Variants in ELMO1 observed in about 807,000 individuals in gnomAD.
ELMO1 encodes the protein engulfment and cell motility 1.
In ELMO1, 26 loss-of-function variants were observed where a neutral mutation model predicts 98.9. The ratio of observed to expected loss-of-function variants is 0.26; its 90% CI spans 0.19 to 0.36. The LOEUF (loss-of-function observed/expected upper bound fraction) is 0.36, where lower values mean the gene tolerates loss of function less well. ELMO1 is among the 10% of genes least tolerant of loss of function. The probability of loss-of-function intolerance (pLI) is 1.00; values close to 1 mark genes in which losing one functional copy is unlikely to be tolerated. For synonymous variants in ELMO1, 346 were observed against 346.0 expected (o/e 1.00, Z 0.00); for missense variants, 627 against 935.2 (o/e 0.67, Z 4.30).
chr7:37,430,318 T>C (rs1311972814), intron 1 of ELMO1, among the ~76,000 whole-genome samples: 1 of 152,220 alleles, frequency 6.6e-6, no homozygotes, highest in Non-Finnish European at 1.5e-5. Context: ...CGACCTCATC[T>C]TCCCCTGCAG....
intron 4 of ELMO1, among the ~76,000 whole-genome samples, chr7:37,285,387 C>T (rs1797341692): frequency 6.6e-6 from 1 of 152,166 alleles, no homozygotes. Context: ...TGTATCCTGA[C>T]TAGATGCTGG....
At chr7:37,182,571 C>A (rs889763419) in intron 13 of ELMO1, among the ~76,000 whole-genome samples, 3 of 146,854 alleles carry the variant, frequency 2.0e-5, no homozygotes, top group Non-Finnish European at 3.0e-5. Flanking sequence ...CTTTCTCTCT[C>A]TCTCTCCCTC....
intron 13 of ELMO1, among the ~76,000 whole-genome samples, chr7:37,174,747 T>C (rs1238923812): frequency 6.6e-6 from 1 of 152,152 alleles, no homozygotes; most frequent in East Asian, 1.9e-4. Flanking sequence ...GTTAATTACA[T>C]GGCAAGGAGA....
intron 7 of ELMO1, among the ~76,000 whole-genome samples, chr7:37,241,678 G>T (rs1794770950): frequency 6.6e-6 from 1 of 151,896 alleles, no homozygotes; most frequent in African/African-American, 2.4e-5. Flanking sequence ...GTTTTTAGTT[G>T]TGACTCTGTG....
intron 15 of ELMO1, among the ~76,000 whole-genome samples, chr7:37,044,221 A>G (rs1795682578): frequency 6.6e-6 from 1 of 152,176 alleles, no homozygotes; most frequent in Non-Finnish European, 1.5e-5. Flanking sequence ...GGTCCTTACT[A>G]GTCAGCAGGG....
At chr7:36,991,742 A>G (rs1038993971) in intron 16 of ELMO1, among the ~76,000 whole-genome samples, 6 of 152,200 alleles carry the variant, frequency 3.9e-5, no homozygotes, top group Non-Finnish European at 5.9e-5. Flanking sequence ...CAGGATGCTG[A>G]GCTCTCTGTG....
chr7:36,999,833 A>T (rs1424489370), intron 16 of ELMO1, among the ~76,000 whole-genome samples: 2 of 152,056 alleles, frequency 1.3e-5, no homozygotes, highest in African/African-American at 4.8e-5. Flanking sequence ...CATGCAGGGG[A>T]GCAAAGGCTG....
chr7:37,179,338 C>T (rs372135830), intron 13 of ELMO1, among the ~76,000 whole-genome samples: 14 of 143,016 alleles, frequency 9.8e-5, no homozygotes, highest in South Asian at 2.2e-4. Flanking sequence ...AGTGCACTGG[C>T]GCGATCTTGG....
At chr7:36,869,683 T>C (rs572002767) in intron 20 of ELMO1, among the ~76,000 whole-genome samples, 105 of 152,322 alleles carry the variant, frequency 6.9e-4, no homozygotes, top group African/African-American at 2.5e-3. Context: ...CAAGGGCAAA[T>C]ACTTCCAGCG....
At chr7:37,208,693 G>A (rs1792784419) in intron 13 of ELMO1, among the ~76,000 whole-genome samples, 1 of 152,118 alleles carries the variant, frequency 6.6e-6, no homozygotes, top group African/African-American at 2.4e-5. Flanking sequence ...GTTTACTGAG[G>A]CCTGTCTATT....
rs143546612 is a variant in ELMO1 at position 37,075,117 on chromosome 7, G to A, written c.1300+21502C>T. Among the ~76,000 whole-genome samples, 1,365 of 151,816 alleles carry A rather than the reference G, an allele frequency of 9.0e-3. 6 individuals carry two copies. The highest frequency in any genetic ancestry group is 0.014 in the Middle Eastern group (4 of 292). On this transcript the variant is annotated intron_variant, in intron 15 of 21. Coordinates refer to ENST00000310758, the MANE Select transcript of ELMO1 (RefSeq NM_014800.11). Reference sequence around the variant, plus strand: ...TGGGTTTTAGATACATGGCTTTTACGTAGATAGTAGTTGATGGCTTTCATT... The same window carrying A: ...TGGGTTTTAGATACATGGCTTTTACATAGATAGTAGTTGATGGCTTTCATT...
chr7:37,040,536 A>G (rs531370718), intron 15 of ELMO1, among the ~76,000 whole-genome samples: 4 of 152,116 alleles, frequency 2.6e-5, no homozygotes, highest in African/African-American at 7.2e-5. Flanking sequence ...GACACGCAGA[A>G]CTCTGTGGAT....
intron 18 of ELMO1, among the ~76,000 whole-genome samples, chr7:36,881,874 T>A (rs767964605): frequency 2.6e-5 from 4 of 152,172 alleles, no homozygotes; most frequent in Non-Finnish European, 5.9e-5. Flanking sequence ...AGAAAACAAA[T>A]TATAAATTTT....
chr7:37,428,059 C>G lies in ELMO1; in HGVS notation c.-74+20616G>C, dbSNP rs77338727. On this transcript the variant is annotated intron_variant, in intron 1 of 21. Coordinates refer to ENST00000310758, the MANE Select transcript of ELMO1 (RefSeq NM_014800.11). ...TGTGTGTGTGTGTGTGTGTGTGTGT[C>G]TGTGTGTGCACACACACGTTGGAGG... Among the ~76,000 whole-genome samples, 15 of 108,192 alleles carry G rather than the reference C, an allele frequency of 1.4e-4. No homozygotes were observed. In the South Asian group the frequency reaches 2.1e-3, roughly 15 times the overall value. 71.0% of individuals were successfully genotyped at this position (108,192 alleles called of 152,430 possible).
intron 16 of ELMO1, among the ~76,000 whole-genome samples, chr7:36,969,725 C>T (rs1467363770): frequency 5.9e-5 from 9 of 151,980 alleles, no homozygotes; most frequent in Admixed American, 3.3e-4. Flanking sequence ...GATCCTGGGG[C>T]TGGGTCTTAA....
chr7:37,213,614 T>C (rs1793111392), intron 11 of ELMO1, among the ~76,000 whole-genome samples, 157 bp from the exon 12 acceptor site: 1 of 152,134 alleles, frequency 6.6e-6, no homozygotes, highest in South Asian at 2.1e-4. Flanking sequence ...TTCCTTTGAA[T>C]TTCAGAGCCC....
chr7:36,996,141 C>T (rs897424711), intron 16 of ELMO1, among the ~76,000 whole-genome samples: 13 of 152,198 alleles, frequency 8.5e-5, no homozygotes, highest in African/African-American at 3.1e-4. Context: ...AAAATATTCC[C>T]TTTCCTTTTC....
chr7:37,059,805 TC>T (rs1796574360), intron 15 of ELMO1, among the ~76,000 whole-genome samples: 1 of 152,148 alleles, frequency 6.6e-6, no homozygotes, highest in South Asian at 2.1e-4. Flanking sequence ...TCTCATTAGA[TC>T]CCAATGGCTC....
intron 9 of ELMO1, among the ~76,000 whole-genome samples, chr7:37,223,912 C>T (rs1793727385): frequency 6.6e-6 from 1 of 152,136 alleles, no homozygotes; most frequent in Admixed American, 6.6e-5. Context: ...CACCCTGCAC[C>T]ACCAACCCAA....
Sources: gnomAD v4.1 joint callset for allele counts (sites outside exome capture counted in the v4.1 genomes callset) on GRCh38, gnomAD v4.1.1 for gene constraint, MANE v1.5 for transcripts, NCBI Gene and HGNC (gene_info 2026-07-23, HGNC 2026-07-21) for gene names.